The following GRID2 variants were observed in gnomAD, a reference collection of about 807,000 sequenced individuals.
GRID2 encodes glutamate receptor ionotropic, delta-2.
A neutral mutation model predicts 114.8 loss-of-function variants in GRID2; 33 were observed. That is an observed-to-expected ratio of 0.29 (90% CI 0.22 to 0.38). GRID2 has a LOEUF of 0.38. Among genes scored for constraint, GRID2 ranks in the 10% least tolerant of loss-of-function variants. GRID2 has a pLI of 1.00. For missense variants in GRID2, 1,184 were observed against 1,257.7 expected, an observed-to-expected ratio of 0.94 and a Z score of 0.89; for synonymous variants, 505 against 449.9, an observed-to-expected ratio of 1.12 and a Z score of -1.55.
chr4:93,135,383 T>C (rs1023905896), intron 4 of GRID2, among the ~76,000 whole-genome samples: 16 of 152,178 alleles, frequency 1.1e-4, no homozygotes, highest in African/African-American at 3.9e-4. Flanking sequence ...TAAGTTTTTG[T>C]TGTTTTCAGT....
At chr4:92,870,220 C>A (rs530865116) in intron 2 of GRID2, among the ~76,000 whole-genome samples, 37 of 151,050 alleles carry the variant, frequency 2.4e-4, no homozygotes, top group Non-Finnish European at 4.4e-4. Flanking sequence ...ACAAAAAAAC[C>A]ATAATGTCTA....
chr4:93,518,993 T>A (rs1265875034), intron 13 of GRID2, among the ~76,000 whole-genome samples: 2 of 152,100 alleles, frequency 1.3e-5, no homozygotes, highest in African/African-American at 4.8e-5. Flanking sequence ...CAAAGTATGG[T>A]CCTGTGGACT....
At chr4:92,500,113 G>A (rs1005170592) in intron 1 of GRID2, among the ~76,000 whole-genome samples, 1 of 151,930 alleles carries the variant, frequency 6.6e-6, no homozygotes, top group Non-Finnish European at 1.5e-5. Context: ...AGTGTGCAAG[G>A]TTTTTTCTTT....
At chr4:93,504,672 G>A (rs182070855) in intron 12 of GRID2, among the ~76,000 whole-genome samples, 32 of 152,112 alleles carry the variant, frequency 2.1e-4, no homozygotes, top group Admixed American at 8.5e-4. Context: ...AATCTGAAAT[G>A]TGGCATTAGT....
chr4:92,606,699 C>T (rs1299285954), intron 2 of GRID2, among the ~76,000 whole-genome samples: 1 of 151,876 alleles, frequency 6.6e-6, no homozygotes, highest in South Asian at 2.1e-4. Flanking sequence ...TCCACCCAGA[C>T]CTGCGTAATT....
At chr4:93,515,681 AC>A (rs1729649664) in intron 13 of GRID2, among the ~76,000 whole-genome samples, 1 of 152,146 alleles carries the variant, frequency 6.6e-6, no homozygotes, top group Admixed American at 6.6e-5. Flanking sequence ...AGGGTTAAGG[AC>A]TTAACAAACA....
At chr4:92,425,698 G>A (rs1378182710) in intron 1 of GRID2, among the ~76,000 whole-genome samples, 1 of 152,062 alleles carries the variant, frequency 6.6e-6, no homozygotes, top group Non-Finnish European at 1.5e-5. Flanking sequence ...TGCCAAAATA[G>A]ACTGTAGTTA....
intron 11 of GRID2, among the ~76,000 whole-genome samples, chr4:93,468,241 A>G (rs1724477447): frequency 6.6e-6 from 1 of 152,148 alleles, no homozygotes; most frequent in Admixed American, 6.6e-5. Context: ...TTCAACAGTT[A>G]GTGTATGTAA....
intron 13 of GRID2, among the ~76,000 whole-genome samples, chr4:93,535,259 C>T (rs1292762566): frequency 6.6e-6 from 1 of 151,346 alleles, no homozygotes; most frequent in Non-Finnish European, 1.5e-5. Flanking sequence ...CACACACACA[C>T]ACACACACAC....
intron 13 of GRID2, among the ~76,000 whole-genome samples, chr4:93,593,714 T>C (rs1224345635): frequency 2.0e-5 from 3 of 152,168 alleles, no homozygotes; most frequent in East Asian, 3.9e-4. Flanking sequence ...GATTTGGTCT[T>C]TTCACATAGT....
chr4:93,011,233 T>G (rs1560793029), intron 2 of GRID2, among the ~76,000 whole-genome samples: 1 of 152,048 alleles, frequency 6.6e-6, no homozygotes, highest in Non-Finnish European at 1.5e-5. Flanking sequence ...GTGTTTTTTC[T>G]TTCTATAAAT....
At chr4:93,535,527 G>A (rs1731969069) in intron 13 of GRID2, among the ~76,000 whole-genome samples, 2 of 151,742 alleles carry the variant, frequency 1.3e-5, no homozygotes, top group Non-Finnish European at 2.9e-5. Context: ...GGGTAACAAG[G>A]GTTCTTTTTT....
At chr4:93,309,356 G>A (rs570903283) in intron 8 of GRID2, among the ~76,000 whole-genome samples, 5 of 152,120 alleles carry the variant, frequency 3.3e-5, no homozygotes, top group African/African-American at 7.2e-5. Context: ...CCAACATGGC[G>A]AAACCCTGTC....
chr4:93,338,953 G>C (rs1245816071), intron 8 of GRID2, among the ~76,000 whole-genome samples: 1 of 152,088 alleles, frequency 6.6e-6, no homozygotes, highest in Non-Finnish European at 1.5e-5. Context: ...AAGAGTCATT[G>C]TGATTTCGGC....
intron 2 of GRID2, chr4:92,702,575 C>T (rs1274431896): frequency 6.6e-6 from 1 of 151,988 alleles, no homozygotes; most frequent in Non-Finnish European, 1.5e-5. Flanking sequence ...CAACCCTAGC[C>T]CTTTCTATTG....
chr4:93,521,891 A>C (rs917095046), intron 13 of GRID2, among the ~76,000 whole-genome samples: 2 of 152,190 alleles, frequency 1.3e-5, no homozygotes, highest in Admixed American at 1.3e-4. Flanking sequence ...ACTCCTTTTT[A>C]AAGAAATTTT....
At chr4:93,612,638 C>T (rs1369512613) in intron 13 of GRID2, among the ~76,000 whole-genome samples, 124 of 98,160 alleles carry the variant, frequency 1.3e-3, no homozygotes, top group African/African-American at 4.6e-3. Flanking sequence ...TGAATATTGG[C>T]CCCCACTCTC....
intron 1 of GRID2, among the ~76,000 whole-genome samples, chr4:92,436,260 T>C (rs1732730912): frequency 6.6e-6 from 1 of 152,130 alleles, no homozygotes; most frequent in African/African-American, 2.4e-5. Context: ...CAACAAACAT[T>C]TAACTAGGTA....
chr4:93,487,928 T>G (rs1410829290), intron 11 of GRID2, among the ~76,000 whole-genome samples: 1 of 151,972 alleles, frequency 6.6e-6, no homozygotes, highest in African/African-American at 2.4e-5. Flanking sequence ...TAATATTTGA[T>G]TCCTAAATGT....
Sources: allele counts gnomAD v4.1 joint callset (sites outside exome capture counted in the v4.1 genomes callset), GRCh38; gene constraint gnomAD v4.1.1; transcripts MANE v1.5; gene names NCBI Gene and HGNC (gene_info 2026-07-23, HGNC 2026-07-21).